The following COL25A1 variants were observed in gnomAD, a reference collection of about 807,000 sequenced individuals.
COL25A1 encodes collagen alpha-1(XXV) chain.
COL25A1 carries 103 observed loss-of-function variants against 128.4 expected under a neutral mutation model. That is an observed-to-expected ratio of 0.80 (90% CI 0.68 to 0.94). The LOEUF (loss-of-function observed/expected upper bound fraction) is 0.94. Ranked by LOEUF, COL25A1 falls within the 40% of genes least tolerant of loss-of-function variation. The pLI is 0.00. For synonymous variants in COL25A1, 279 were observed against 277.2 expected, an observed-to-expected ratio of 1.01 and a Z score of -0.06; for missense variants, 745 against 840.0, an observed-to-expected ratio of 0.89 and a Z score of 1.40.
chr4:109,054,632 C>T (rs915248790), intron 3 of COL25A1, among the ~76,000 whole-genome samples: 12 of 152,258 alleles, frequency 7.9e-5, no homozygotes, highest in African/African-American at 2.6e-4. Flanking sequence ...ACTTTAAGTA[C>T]ATTAGATAAG....
At chr4:108,965,413 T>C (rs1751178188) in intron 8 of COL25A1, among the ~76,000 whole-genome samples, 1 of 152,246 alleles carries the variant, frequency 6.6e-6, no homozygotes, top group South Asian at 2.1e-4. Context: ...AGAAGATTAA[T>C]ATATAATCAA....
chr4:109,173,471 T>C (rs1285877155), intron 3 of COL25A1, among the ~76,000 whole-genome samples: 1 of 152,178 alleles, frequency 6.6e-6, no homozygotes, highest in Non-Finnish European at 1.5e-5. Flanking sequence ...TATATTAAAT[T>C]GCATTGCATT....
intron 6 of COL25A1, among the ~76,000 whole-genome samples, chr4:108,975,948 G>C (rs1752392112): frequency 6.6e-6 from 1 of 152,028 alleles, no homozygotes; most frequent in African/African-American, 2.4e-5. Context: ...TATTTTGAAT[G>C]AGTCTTTTGT....
chr4:109,239,376 A>ATGTG (rs57537875), intron 3 of COL25A1, among the ~76,000 whole-genome samples: 9 of 118,060 alleles, frequency 7.6e-5, no homozygotes, highest in African/African-American at 3.1e-4. Flanking sequence ...ATGTGTGTGT[A>ATGTG]TGTGTGTGTG....
At chr4:108,853,591 T>C (rs902238487) in intron 24 of COL25A1, among the ~76,000 whole-genome samples, 5 of 152,252 alleles carry the variant, frequency 3.3e-5, no homozygotes, top group African/African-American at 1.2e-4. Flanking sequence ...TAGGTATACA[T>C]GTGCCATCGT....
intron 3 of COL25A1, among the ~76,000 whole-genome samples, chr4:109,288,532 T>C (rs986376745): frequency 6.6e-6 from 1 of 152,118 alleles, no homozygotes; most frequent in African/African-American, 2.4e-5. Context: ...GGCACTATTA[T>C]TAATAGGGTG....
intron 3 of COL25A1, among the ~76,000 whole-genome samples, chr4:109,191,944 G>T (rs1560840589): frequency 6.6e-6 from 1 of 152,120 alleles, no homozygotes; most frequent in African/African-American, 2.4e-5. Flanking sequence ...TTCTCTAAAA[G>T]AAATAAAATT....
chr4:108,901,063 C>T (rs923203678), intron 14 of COL25A1, 56 bp downstream of exon 14: 22 of 1,356,862 alleles, frequency 1.6e-5, no homozygotes, highest in South Asian at 4.8e-5. Flanking sequence ...TAATAGCTTA[C>T]AATTTCCTGA....
chr4:109,250,774 G>T (rs932086522), intron 3 of COL25A1, among the ~76,000 whole-genome samples: 1 of 152,140 alleles, frequency 6.6e-6, no homozygotes, highest in Admixed American at 6.5e-5. Flanking sequence ...AACACACCCA[G>T]AATAATATTT....
At chr4:109,239,426 ATTTATT>A (rs1779728612) in intron 3 of COL25A1, among the ~76,000 whole-genome samples, 5 of 137,292 alleles carry the variant, frequency 3.6e-5, no homozygotes, top group African/African-American at 1.1e-4. Context: ...ATATATATTT[ATTTATT>A]TATTTATTTA....
intron 3 of COL25A1, among the ~76,000 whole-genome samples, chr4:109,114,398 C>T (rs1767323919): frequency 6.6e-6 from 1 of 152,008 alleles, no homozygotes; most frequent in African/African-American, 2.4e-5. Flanking sequence ...TGTAGGTGGA[C>T]ATTCAATCCA....
At chr4:108,994,135 C>G (rs1468324446) in intron 6 of COL25A1, among the ~76,000 whole-genome samples, 1 of 152,180 alleles carries the variant, frequency 6.6e-6, no homozygotes, top group Non-Finnish European at 1.5e-5. Flanking sequence ...AGAGGGCTAC[C>G]TGAAGCAGGG....
chr4:108,853,678 CCT>C (rs979489249), intron 24 of COL25A1, among the ~76,000 whole-genome samples: 2 of 151,928 alleles, frequency 1.3e-5, no homozygotes, highest in Admixed American at 1.3e-4. Flanking sequence ...CCCCCCACCC[CCT>C]GACAGGCCCT....
chr4:109,031,034 T>C (rs1758801662), intron 5 of COL25A1, among the ~76,000 whole-genome samples: 1 of 120,960 alleles, frequency 8.3e-6, no homozygotes, highest in Non-Finnish European at 1.6e-5. Flanking sequence ...CCACTGTGCC[T>C]GGCCAAAACT....
At chr4:108,849,115 C>T (rs1363915536) in intron 26 of COL25A1, among the ~76,000 whole-genome samples, 1 of 152,150 alleles carries the variant, frequency 6.6e-6, no homozygotes, top group Non-Finnish European at 1.5e-5. Context: ...TGACCATATC[C>T]TATAGCAACA....
intron 3 of COL25A1, among the ~76,000 whole-genome samples, chr4:109,072,874 A>G (rs1763088712): frequency 6.6e-6 from 1 of 152,140 alleles, no homozygotes; most frequent in South Asian, 2.1e-4. Flanking sequence ...ATAAAACTTT[A>G]TACTGCTCCG....
chr4:109,123,510 T>C (rs1478970812), intron 3 of COL25A1, among the ~76,000 whole-genome samples: 1 of 151,984 alleles, frequency 6.6e-6, no homozygotes, highest in Non-Finnish European at 1.5e-5. Context: ...TATGATTAAG[T>C]TCTGGCAAAA....
intron 6 of COL25A1, among the ~76,000 whole-genome samples, chr4:108,984,490 C>T (rs371368460): frequency 2.4e-4 from 37 of 151,768 alleles, no homozygotes; most frequent in African/African-American, 7.5e-4. Context: ...ATGAGGGGGG[C>T]GGGAGGGAGG....
chr4:109,101,222 G>A (rs1351495077), intron 3 of COL25A1, among the ~76,000 whole-genome samples: 2 of 152,154 alleles, frequency 1.3e-5, no homozygotes, highest in Non-Finnish European at 2.9e-5. Flanking sequence ...AAGACTCAAC[G>A]TGTTTCACCA....
Sources: allele counts gnomAD v4.1 joint callset (sites outside exome capture counted in the v4.1 genomes callset), GRCh38; gene constraint gnomAD v4.1.1; transcripts MANE v1.5; gene names NCBI Gene and HGNC (gene_info 2026-07-23, HGNC 2026-07-21).